The following ATP9A variants were observed in gnomAD, a reference collection of about 807,000 sequenced individuals.
ATP9A encodes the protein ATPase phospholipid transporting 9A.
A neutral mutation model predicts 144.1 loss-of-function variants in ATP9A; 52 were observed. The observed-to-expected ratio is 0.36, with a 90% CI of 0.29 to 0.45. The LOEUF (loss-of-function observed/expected upper bound fraction) is 0.45. Among genes scored for constraint, ATP9A ranks in the 20% least tolerant of loss-of-function variants. The pLI, the probability that ATP9A is intolerant of heterozygous loss-of-function variation, is 1.00. For missense variants in ATP9A, 947 were observed against 1,392.7 expected (o/e 0.68, Z 5.09); for synonymous variants, 582 against 557.4 (o/e 1.04, Z -0.62).
intron 3 of ATP9A, among the ~76,000 whole-genome samples, chr20:51,718,586 G>C (rs552623081): frequency 8.3e-4 from 126 of 151,910 alleles, no homozygotes; most frequent in African/African-American, 3.0e-3. Context: ...GGGAGGCCAA[G>C]GTGGGCGGAT....
At chr20:51,630,887 C>T (rs891228025) in intron 15 of ATP9A, among the ~76,000 whole-genome samples, 54 of 152,112 alleles carry the variant, frequency 3.6e-4, no homozygotes, top group African/African-American at 1.2e-3. Context: ...CTGGAAGGTG[C>T]CCGTAATTGT....
At chr20:51,631,192 T>C (rs2122735338) in intron 15 of ATP9A, among the ~76,000 whole-genome samples, 1 of 152,322 alleles carries the variant, frequency 6.6e-6, no homozygotes, top group South Asian at 2.1e-4. Context: ...TTTCCTCTTT[T>C]AGAATAACTT....
intron 15 of ATP9A, among the ~76,000 whole-genome samples, chr20:51,638,877 G>C (rs1456032252): frequency 3.3e-5 from 5 of 152,054 alleles, no homozygotes; most frequent in African/African-American, 1.2e-4. Context: ...TCTTCAGACT[G>C]GCAAAATTTT....
intron 1 of ATP9A, among the ~76,000 whole-genome samples, chr20:51,761,851 A>T (rs1333256450): frequency 6.6e-6 from 1 of 152,098 alleles, no homozygotes; most frequent in Non-Finnish European, 1.5e-5. Context: ...AATGGGCCTC[A>T]TGGGACTAAA....
At chr20:51,650,528 C>T (rs956698980) in intron 14 of ATP9A, among the ~76,000 whole-genome samples, 14 of 146,858 alleles carry the variant, frequency 9.5e-5, no homozygotes, top group African/African-American at 2.8e-4. Context: ...AGTGAGACTC[C>T]GTCTCAAAAA....
At chr20:51,625,637 C>T (rs577986014) in intron 17 of ATP9A, among the ~76,000 whole-genome samples, 3 of 152,292 alleles carry the variant, frequency 2.0e-5, no homozygotes, top group South Asian at 4.1e-4. Flanking sequence ...GCCGTGGCCA[C>T]GAAATGGCAA....
intron 14 of ATP9A, among the ~76,000 whole-genome samples, chr20:51,643,596 A>C (rs1279534958): frequency 6.6e-6 from 1 of 152,158 alleles, no homozygotes. Context: ...ATCAGCCAGG[A>C]AACAGGCCCT....
At chr20:51,684,311 A>T (rs1428856435) in intron 9 of ATP9A, among the ~76,000 whole-genome samples, 2 of 152,254 alleles carry the variant, frequency 1.3e-5, no homozygotes, top group Non-Finnish European at 2.9e-5. Flanking sequence ...TATTCTTATG[A>T]CATAAACAAT....
At chr20:51,660,741 T>G (rs1310875649) in intron 13 of ATP9A, among the ~76,000 whole-genome samples, 1 of 152,222 alleles carries the variant, frequency 6.6e-6, no homozygotes, top group East Asian at 1.9e-4. Flanking sequence ...ATGCCTGTCT[T>G]AGGCCTGGCC....
intron 24 of ATP9A, among the ~76,000 whole-genome samples, chr20:51,609,371 G>A (rs566108998): frequency 3.3e-5 from 5 of 152,226 alleles, no homozygotes; most frequent in East Asian, 1.9e-4. Flanking sequence ...GATGGAAAGC[G>A]GACTCTGTGA....
At chr20:51,664,596 AT>A (rs1291988986) in intron 13 of ATP9A, among the ~76,000 whole-genome samples, 7 of 152,196 alleles carry the variant, frequency 4.6e-5, no homozygotes, top group Admixed American at 4.6e-4. Flanking sequence ...TCTCAAAAAA[AT>A]AAAAATAAAA....
chr20:51,633,794 AAAAGAAAG>A (rs568489747), intron 15 of ATP9A, among the ~76,000 whole-genome samples: 1 of 151,390 alleles, frequency 6.6e-6, no homozygotes, highest in Non-Finnish European at 1.5e-5. Context: ...GGAGGCAAAA[AAAAGAAAG>A]AAAGAAAGGA....
chr20:51,715,726 A>C (rs1012665757), intron 3 of ATP9A, among the ~76,000 whole-genome samples: 8 of 152,212 alleles, frequency 5.3e-5, no homozygotes, highest in African/African-American at 1.9e-4. Flanking sequence ...CAGGCTGGTG[A>C]AATTGCCTTA....
At chr20:51,651,312 A>G (rs1344280001) in intron 14 of ATP9A, among the ~76,000 whole-genome samples, 1 of 130,210 alleles carries the variant, frequency 7.7e-6, no homozygotes, top group African/African-American at 3.2e-5. Flanking sequence ...TTTACATAAT[A>G]TATTATATAA....
chr20:51,735,858 C>T (rs1601136591), intron 1 of ATP9A, among the ~76,000 whole-genome samples: 1 of 152,188 alleles, frequency 6.6e-6, no homozygotes, highest in Non-Finnish European at 1.5e-5. Flanking sequence ...CAAAGTGTGC[C>T]CTGAGTGTTT....
intron 4 of ATP9A, among the ~76,000 whole-genome samples, chr20:51,711,409 C>CT (rs1374466437): frequency 6.6e-6 from 1 of 152,166 alleles, no homozygotes; most frequent in Non-Finnish European, 1.5e-5. Context: ...GGATGGACTG[C>CT]TTCCTTGGAA....
chr20:51,683,582 A>G (rs781350610), intron 9 of ATP9A, among the ~76,000 whole-genome samples: 1 of 151,952 alleles, frequency 6.6e-6, no homozygotes, highest in Admixed American at 6.6e-5. Context: ...TCACCTGGCC[A>G]TGTTTTTATT....
chr20:51,682,779 G>C (rs1029798262), intron 9 of ATP9A, among the ~76,000 whole-genome samples: 1 of 147,846 alleles, frequency 6.8e-6, no homozygotes, highest in African/African-American at 2.5e-5. Context: ...TTTTAGTAGA[G>C]GCGGGGTTTT....
chr20:51,621,611 A>G (rs976472002), intron 19 of ATP9A, among the ~76,000 whole-genome samples: 4 of 152,150 alleles, frequency 2.6e-5, no homozygotes, highest in African/African-American at 9.7e-5. Flanking sequence ...ACCTCCTTCA[A>G]AAGGCTCCTC....
Sources: allele counts gnomAD v4.1 joint callset (sites outside exome capture counted in the v4.1 genomes callset), GRCh38; gene constraint gnomAD v4.1.1; transcripts MANE v1.5; gene names NCBI Gene and HGNC (gene_info 2026-07-23, HGNC 2026-07-21).